HPSE2: variants seen among roughly 807,000 people sequenced by gnomAD.
HPSE2 encodes heparanase 2 (inactive), also known as inactive heparanase-2.
In HPSE2, 38 loss-of-function variants were observed where a neutral mutation model predicts 60.5. The ratio of observed to expected loss-of-function variants is 0.63; its 90% CI spans 0.48 to 0.82. HPSE2 has a LOEUF of 0.82. HPSE2 is among the 40% of genes least tolerant of loss of function. HPSE2 has a pLI of 0.00. For missense variants in HPSE2, 713 were observed against 740.4 expected (o/e 0.96, Z 0.43); for synonymous variants, 295 against 293.2 (o/e 1.01, Z -0.06).
intron 6 of HPSE2, among the ~76,000 whole-genome samples, chr10:98,693,203 AAAG>A (rs1209865771): frequency 6.6e-6 from 1 of 152,264 alleles, no homozygotes; most frequent in East Asian, 1.9e-4. Context: ...TTCTCAGAGA[AAAG>A]AAGAACAGGA....
chr10:98,585,454 G>C (rs1480190405), intron 9 of HPSE2, among the ~76,000 whole-genome samples: 1 of 151,218 alleles, frequency 6.6e-6, no homozygotes, highest in Non-Finnish European at 1.5e-5. Flanking sequence ...TGTATTTTTA[G>C]TAGAGATGGG....
At chr10:98,942,620 C>T (rs577384968) in intron 3 of HPSE2, among the ~76,000 whole-genome samples, 33 of 152,158 alleles carry the variant, frequency 2.2e-4, no homozygotes, top group South Asian at 1.7e-3. Flanking sequence ...GGAACACTTT[C>T]ACACTGTTGG....
intron 2 of HPSE2, among the ~76,000 whole-genome samples, chr10:99,185,241 G>A (rs1847959836): frequency 1.3e-5 from 2 of 151,250 alleles, no homozygotes; most frequent in South Asian, 4.2e-4. Context: ...GAGGCAGAGG[G>A]TGCAATGAGC....
chr10:99,246,645 G>A, the HPSE2 span, among the ~76,000 whole-genome samples: 2 of 152,060 alleles, frequency 1.3e-5, no homozygotes, highest in Non-Finnish European at 2.9e-5. Context: ...TACTCAGGAG[G>A]CTGAGGCAGG....
At chr10:98,638,302 G>A (rs977850634) in intron 7 of HPSE2, among the ~76,000 whole-genome samples, 27 of 151,480 alleles carry the variant, frequency 1.8e-4, no homozygotes, top group Admixed American at 2.6e-4. Context: ...AAAATCAGCC[G>A]GGAGTGGTGG....
At chr10:98,748,796 AG>A (rs1237742438) in intron 3 of HPSE2, among the ~76,000 whole-genome samples, 2 of 152,150 alleles carry the variant, frequency 1.3e-5, no homozygotes, top group Non-Finnish European at 2.9e-5. Context: ...TGCAGTCTTA[AG>A]GAACCCAAAA....
intron 3 of HPSE2, among the ~76,000 whole-genome samples, chr10:98,902,782 G>C (rs1281634802): frequency 6.6e-6 from 1 of 152,064 alleles, no homozygotes; most frequent in Admixed American, 6.5e-5. Context: ...AAAATGTTTA[G>C]GGCTTAAGTG....
chr10:98,959,589 G>A (rs1456245424), intron 3 of HPSE2, among the ~76,000 whole-genome samples: 1 of 152,128 alleles, frequency 6.6e-6, no homozygotes, highest in South Asian at 2.1e-4. Context: ...TTGAGAGGCT[G>A]TATTTCTGAA....
At chr10:98,540,136 G>C (rs963235316) in intron 9 of HPSE2, among the ~76,000 whole-genome samples, 11 of 152,114 alleles carry the variant, frequency 7.2e-5, no homozygotes, top group African/African-American at 2.4e-4. Flanking sequence ...TGTGCTTCCT[G>C]GTAACTAAAA....
At position 99,159,133 on chromosome 10, in the gene HPSE2, G is replaced by A. The variant is rs72840370; in HGVS notation, c.449-14734C>T. Reference sequence around the variant, plus strand: ...AGAAAAATAAGAAAATTTTAAACACGAAGCAAGCAAAAAAAAGAAAAAAAG... The same window carrying A: ...AGAAAAATAAGAAAATTTTAAACACAAAGCAAGCAAAAAAAAGAAAAAAAG... On this transcript the variant is annotated intron_variant, in intron 2 of 11. Coordinates refer to ENST00000370552, the MANE Select transcript of HPSE2 (RefSeq NM_021828.5). Among the ~76,000 whole-genome samples the A allele has an allele frequency of 6.3e-3, 948 of 151,026 alleles. 7 individuals carry two copies. The highest frequency in any genetic ancestry group is 0.027 in the South Asian group (128 of 4,796).
chr10:98,505,286 G>T (rs1942164242), intron 9 of HPSE2, among the ~76,000 whole-genome samples: 1 of 152,160 alleles, frequency 6.6e-6, no homozygotes, highest in African/African-American at 2.4e-5. Context: ...TTCACCCCAG[G>T]CCTAATGATT....
chr10:99,274,353 T>C, the HPSE2 span, among the ~76,000 whole-genome samples: 2 of 151,976 alleles, frequency 1.3e-5, no homozygotes, highest in African/African-American at 4.8e-5. Flanking sequence ...AAAGAAACAG[T>C]GTAAGGCAAG....
intron 3 of HPSE2, among the ~76,000 whole-genome samples, chr10:99,141,730 A>G (rs1164543264): frequency 6.6e-6 from 1 of 152,194 alleles, no homozygotes; most frequent in East Asian, 1.9e-4. Flanking sequence ...CAGAATATGA[A>G]GGCATGCCTC....
chr10:99,186,266 C>T (rs1052144687), intron 2 of HPSE2, among the ~76,000 whole-genome samples: 9 of 151,846 alleles, frequency 5.9e-5, no homozygotes, highest in South Asian at 2.1e-4. Context: ...AATTGCAGAC[C>T]GGGCATGGTG....
the HPSE2 span, among the ~76,000 whole-genome samples, chr10:99,254,023 A>G: frequency 6.6e-6 from 1 of 152,216 alleles, no homozygotes; most frequent in Non-Finnish European, 1.5e-5. Flanking sequence ...TTTCTCAAAT[A>G]ACTTAGAACT....
chr10:98,606,364 A>G (rs188804831), intron 9 of HPSE2, among the ~76,000 whole-genome samples: 4 of 152,372 alleles, frequency 2.6e-5, no homozygotes, highest in Admixed American at 2.6e-4. Flanking sequence ...TGGACTTTAA[A>G]AAAATATCAA....
chr10:98,593,689 T>C (rs1185507752), intron 9 of HPSE2, among the ~76,000 whole-genome samples: 2 of 152,170 alleles, frequency 1.3e-5, no homozygotes, highest in Admixed American at 6.5e-5. Context: ...GAGTAAGATA[T>C]GAAGACAGGG....
intron 9 of HPSE2, among the ~76,000 whole-genome samples, chr10:98,506,726 G>T (rs1247065654): frequency 6.6e-6 from 1 of 152,206 alleles, no homozygotes; most frequent in Non-Finnish European, 1.5e-5. Flanking sequence ...GCCTCACAAA[G>T]CACTGGGATT....
At chr10:99,237,658 A>G (rs1412812035), upstream of HPSE2, among the ~76,000 whole-genome samples, 1 of 152,200 alleles carries the variant, frequency 6.6e-6, no homozygotes, top group East Asian at 1.9e-4. Flanking sequence ...GAAGTATTGG[A>G]TGTTGGCTCC....
Sources: allele counts gnomAD v4.1 joint callset (sites outside exome capture counted in the v4.1 genomes callset), GRCh38; gene constraint gnomAD v4.1.1; transcripts MANE v1.5; gene names NCBI Gene and HGNC (gene_info 2026-07-23, HGNC 2026-07-21).